The following RNF144B variants were observed in gnomAD, a reference collection of about 807,000 sequenced individuals.
RNF144B encodes the protein ring finger protein 144B.
In RNF144B, 25 loss-of-function variants were observed where a neutral mutation model predicts 40.2. The ratio of observed to expected loss-of-function variants is 0.62; its 90% confidence interval spans 0.45 to 0.87. RNF144B has a LOEUF of 0.87. Ranked by LOEUF, RNF144B falls within the 40% of genes least tolerant of loss-of-function variation. The probability of loss-of-function intolerance (pLI) is 0.00; values close to 1 mark genes in which losing one functional copy is unlikely to be tolerated. For synonymous variants in RNF144B, 145 were observed against 136.3 expected, an observed-to-expected ratio of 1.06 and a Z score of -0.44; for missense variants, 365 against 373.7, an observed-to-expected ratio of 0.98 and a Z score of 0.19.
chr6:18,438,178 C>T (rs1758866283), intron 3 of RNF144B, among the ~76,000 whole-genome samples: 1 of 152,102 alleles, frequency 6.6e-6, no homozygotes, highest in Non-Finnish European at 1.5e-5. Flanking sequence ...CTAAATGCCT[C>T]CTATCACTTC....
chr6:18,447,664 T>C lies in RNF144B; in HGVS notation c.331+7920T>C, dbSNP rs1282367990. 1.3e-5 allele frequency among the ~76,000 whole-genome samples: 2 copies of C among 152,186 alleles called. No individual in the cohort carries two copies. The highest frequency in any genetic ancestry group is 4.8e-5 in the African/African-American group (2 of 41,448). On this transcript the variant is annotated intron_variant, in intron 4 of 7. Transcript: ENST00000259939. The surrounding 1 kb of genome is among the most constrained non-coding windows in gnomAD (Gnocchi z 5.6). ...ATTGAAAATGCCCAGATTTGGAGTC[T>C]GTTTTCAAGGTGGAACTGTCAGGAT...
In RNF144B at chr6:18,412,419, T is replaced by A. The variant is rs903969879; in HGVS notation, c.165+12720T>A. 3.9e-5 allele frequency among the ~76,000 whole-genome samples: 6 copies of A among 152,322 alleles called. No individual in the cohort carries two copies. The highest frequency in any genetic ancestry group is 1.4e-4 in the African/African-American group (6 of 41,564). Reference sequence around the variant, plus strand: ...CAGTATGCTCAGTGCCAGTATAGTTTCAACTGATTTTATACCTTGGTATTA... The same window carrying A: ...CAGTATGCTCAGTGCCAGTATAGTTACAACTGATTTTATACCTTGGTATTA... On this transcript the variant is annotated intron_variant, in intron 2 of 7. Coordinates refer to ENST00000259939, the MANE Select transcript of RNF144B (RefSeq NM_182757.4). The surrounding 1 kb of genome is among the most constrained non-coding windows in gnomAD (Gnocchi z 4.2).
chr6:18,387,364 G>C lies in RNF144B; in HGVS notation c.-303G>C, dbSNP rs1294614142. On this transcript the variant is annotated 5_prime_UTR_variant, in exon 1 of 8. Transcript: ENST00000259939. ...CCGCTGCTGGCGAGCTGTGCCCCAC[G>C]CTCCCGCTGCAACAGTCCCGGGCAT... is the stretch of plus-strand genomic sequence containing the variant. 3 of 1,148,312 alleles carry C rather than the reference G, an allele frequency of 2.6e-6. No homozygotes were observed. The highest frequency in any genetic ancestry group is 1.6e-5 in the African/African-American group (1 of 60,680). 71.1% of individuals were successfully genotyped at this position (1,148,312 alleles called of 1,614,324 possible). A position where few individuals can be genotyped will look rare whatever the true frequency, so the allele number is the denominator to read the frequency against.
At chr6:18,392,460 C>CT (rs35549378) in intron 1 of RNF144B, among the ~76,000 whole-genome samples, 34 of 147,098 alleles carry the variant, frequency 2.3e-4, no homozygotes, top group East Asian at 9.8e-4. Context: ...GAAGTGCCTA[C>CT]TTTTTTTTTT....
intron 3 of RNF144B, among the ~76,000 whole-genome samples, chr6:18,437,102 C>T (rs1007951037): frequency 7.2e-5 from 11 of 152,082 alleles, no homozygotes; most frequent in African/African-American, 2.4e-4. Context: ...TGCTAGGCTT[C>T]CAGACCAAAG....
chr6:18,465,107 T>C lies in RNF144B; in HGVS notation c.*40T>C, dbSNP rs768595760. ...ATACGCCCCAGATATGTGAGTTACA[T>C]GAGATGGCACAGTGATAAAGCCCCA... is the stretch of plus-strand genomic sequence containing the variant. On this transcript the variant is annotated 3_prime_UTR_variant, in exon 8 of 8. Coordinates refer to ENST00000259939, the MANE Select transcript of RNF144B (RefSeq NM_182757.4). 8 of 1,605,956 alleles carry C rather than the reference T, an allele frequency of 5.0e-6. No homozygotes were observed. In the Admixed American group the frequency reaches 6.7e-5, roughly 14 times the overall value.
chr6:18,421,725 C>A (rs1758431537), intron 2 of RNF144B, among the ~76,000 whole-genome samples: 1 of 152,044 alleles, frequency 6.6e-6, no homozygotes, highest in South Asian at 2.1e-4. Flanking sequence ...TCTTGGGTTC[C>A]CAAGAATACA....
Position 18,439,691 on chromosome 6 carries a change from G to C in RNF144B, c.278G>C (p.Cys93Ser). The C allele has an allele frequency of 6.2e-7, 1 of 1,612,238 alleles. No homozygotes were observed. The highest frequency in any genetic ancestry group is 8.5e-7 in the Non-Finnish European group (1 of 1,178,380). The change falls in exon 4 of 8, where the codon TGT becomes TCT. Residue 93 changes from cysteine (C) to serine (S), a missense_variant. Cys to Ser is a moderately radical substitution (Grantham distance 112, BLOSUM62 -1). Transcript: ENST00000259939. The part of the protein sequence containing the change: ...HGTLQEAEIA[C>S]LVPVDQFQLY... ...TTATGTCTCTGGTTTCAGATTGCCT[G>C]TTTGGTACCTGTGGACCAGTTTCAA... is the stretch of plus-strand genomic sequence containing the variant.
Position 18,448,109 on chromosome 6 carries a change from G to A in RNF144B, c.331+8365G>A, listed in dbSNP as rs1759123597. 6.6e-6 allele frequency among the ~76,000 whole-genome samples: 1 copy of A among 152,132 alleles called. No homozygotes were observed. The highest frequency in any genetic ancestry group is 6.6e-5 in the Admixed American group (1 of 15,266). On this transcript the variant is annotated intron_variant, in intron 4 of 7. Coordinates refer to ENST00000259939, the MANE Select transcript of RNF144B (RefSeq NM_182757.4). The surrounding 1 kb of genome is among the most constrained non-coding windows in gnomAD (Gnocchi z 4.0). ...GGGTACTATGAGAAGAAAAATGGGT[G>A]CAGTGAATATATTAACTCTTTCAAG...
At chr6:18,449,190 C>T (rs1324151840) in intron 4 of RNF144B, among the ~76,000 whole-genome samples, 1 of 152,220 alleles carries the variant, frequency 6.6e-6, no homozygotes, top group African/African-American at 2.4e-5. Context: ...ATGTGAGAAT[C>T]TCATTTACAT....
chr6:18,433,080 C>T (rs1758728642), intron 3 of RNF144B, among the ~76,000 whole-genome samples: 1 of 152,184 alleles, frequency 6.6e-6, no homozygotes, highest in African/African-American at 2.4e-5. Flanking sequence ...GGAAAGTTGG[C>T]TACAGTGATA....
At chr6:18,399,250 T>C (rs1794749927) in intron 1 of RNF144B, among the ~76,000 whole-genome samples, 2 of 152,146 alleles carry the variant, frequency 1.3e-5, no homozygotes. Context: ...CCCACCATAG[T>C]GGTCTTTTAA....
chr6:18,423,420 G>A (rs895374178), intron 2 of RNF144B, among the ~76,000 whole-genome samples: 18 of 152,268 alleles, frequency 1.2e-4, no homozygotes, highest in East Asian at 1.9e-4. Flanking sequence ...TATATAGTAC[G>A]TTTTTAAAAA....
intron 3 of RNF144B, among the ~76,000 whole-genome samples, chr6:18,431,201 G>A (rs992764737): frequency 7.3e-5 from 11 of 151,720 alleles, no homozygotes; most frequent in African/African-American, 2.7e-4. Context: ...ACTCCAGCCT[G>A]GGTGACACAG....
intron 3 of RNF144B, among the ~76,000 whole-genome samples, 176 bp from the exon 4 acceptor site, chr6:18,439,508 T>A (rs2277081): frequency 0.33 from 50,772 of 151,950 alleles, 9,183 homozygotes; most frequent in East Asian, 0.51. Context: ...GGAGTGGGGA[T>A]GACTTGAAAA....
intron 1 of RNF144B, among the ~76,000 whole-genome samples, chr6:18,388,737 T>C (rs575185853): frequency 6.6e-6 from 1 of 152,240 alleles, no homozygotes; most frequent in South Asian, 2.1e-4. Flanking sequence ...TTGTAGATAA[T>C]TGTATTATGA....
intron 3 of RNF144B, among the ~76,000 whole-genome samples, chr6:18,430,686 C>T (rs995422771): frequency 9.3e-5 from 14 of 151,122 alleles, no homozygotes; most frequent in Non-Finnish European, 1.8e-4. Flanking sequence ...GAGAGGGTCT[C>T]TCTATGTTTT....
At chr6:18,439,276 CT>C (rs1162722933) in intron 3 of RNF144B, among the ~76,000 whole-genome samples, 1 of 152,124 alleles carries the variant, frequency 6.6e-6, no homozygotes, top group Non-Finnish European at 1.5e-5. Context: ...GTCTACCTGA[CT>C]TTAGTTTTTC....
At chr6:18,433,346 G>A (rs1758739953) in intron 3 of RNF144B, among the ~76,000 whole-genome samples, 1 of 152,216 alleles carries the variant, frequency 6.6e-6, no homozygotes, top group Non-Finnish European at 1.5e-5. Context: ...AATCCGCCAA[G>A]CCAGAGTTAA....
Sources: gnomAD v4.1 joint callset for allele counts (sites outside exome capture counted in the v4.1 genomes callset) on GRCh38, gnomAD v4.1.1 for gene constraint, Gnocchi (gnomAD v3.1) non-coding constraint, MANE v1.5 for transcripts, NCBI Gene and HGNC (gene_info 2026-07-23, HGNC 2026-07-21) for gene names.